Variants in MACF1 observed in about 807,000 individuals in gnomAD.
The protein encoded by MACF1 is microtubule actin crosslinking factor 1.
A neutral mutation model predicts 854.8 loss-of-function variants in MACF1; 193 were observed. The observed-to-expected ratio is 0.23, with a 90% CI of 0.20 to 0.25. The LOEUF is 0.25. Among genes scored for constraint, MACF1 ranks in the 10% least tolerant of loss-of-function variants. The pLI is 1.00. For synonymous variants in MACF1, 3,185 were observed against 3,226.7 expected, an observed-to-expected ratio of 0.99 and a Z score of 0.44; for missense variants, 7,722 against 8,929.1, an observed-to-expected ratio of 0.86 and a Z score of 5.45.
intron 6 of MACF1, among the ~76,000 whole-genome samples, chr1:39,276,566 G>A (rs1256010429): frequency 1.3e-5 from 2 of 151,832 alleles, no homozygotes; most frequent in Admixed American, 6.6e-5. Flanking sequence ...CACTTTCTAC[G>A]TGGAATTCCT....
At chr1:39,340,430 A>C (rs775276120) in intron 38 of MACF1, 72 bp from the exon 39 acceptor site, 4 of 1,076,606 alleles carry the variant, frequency 3.7e-6, no homozygotes, top group Non-Finnish European at 5.6e-6. Context: ...GTGAGAGAGA[A>C]ATGTGTTCAC....
At chr1:39,351,529 G>A (rs1647184361) in intron 43 of MACF1, among the ~76,000 whole-genome samples, 1 of 145,474 alleles carries the variant, frequency 6.9e-6, no homozygotes, top group African/African-American at 2.5e-5. Context: ...AAAAATATCA[G>A]AAAGAACTTA....
chr1:39,214,769 T>G (rs974104150), intron 1 of MACF1, among the ~76,000 whole-genome samples: 1 of 152,178 alleles, frequency 6.6e-6, no homozygotes. Flanking sequence ...GGTGAGTGTA[T>G]GAGCTTGCTC....
At chr1:39,087,965 G>T (rs1172593988) in intron 2 of MACF1, among the ~76,000 whole-genome samples, 1 of 148,264 alleles carries the variant, frequency 6.7e-6, no homozygotes, top group Non-Finnish European at 1.5e-5. Context: ...TAGAGATGGG[G>T]TTTCTTTTTT....
intron 6 of MACF1, among the ~76,000 whole-genome samples, chr1:39,276,333 CG>C (rs1311420709): frequency 1.3e-5 from 2 of 152,030 alleles, no homozygotes; most frequent in Non-Finnish European, 1.5e-5. Flanking sequence ...CAGAACAACT[CG>C]TCTCATCCAC....
Position 39,331,237 on chromosome 1 carries a change from G to A in MACF1, c.4649G>A (p.Gly1550Asp). ...CRAVAGVIDL[G>D]TVEIFPIFKA... ...GCAGTTGCTGGGGTGATTGACCTAG[G>A]CACAGTGGAGATATTTCCCATCTTC... Residue 1550 changes from glycine to aspartate, a missense_variant, in exon 37 of 101, where the codon GGC (glycine) becomes GAC (aspartate). Transcript: ENST00000564288. The A allele has an allele frequency of 6.3e-7, 1 of 1,594,862 alleles. No individual in the cohort carries two copies. The highest frequency in any genetic ancestry group is 1.1e-5 in the South Asian group (1 of 90,568).
At chr1:39,254,557 C>T in intron 5 of MACF1, 182 bp downstream of exon 5, 1 of 563,320 alleles carries the variant, frequency 1.8e-6, no homozygotes, top group South Asian at 2.5e-5. Flanking sequence ...TCAGTACTCA[C>T]ACAGAACTTG....
chr1:39,475,242 C>T (rs1347468983), intron 97 of MACF1, among the ~76,000 whole-genome samples: 2 of 152,154 alleles, frequency 1.3e-5, no homozygotes, highest in African/African-American at 2.4e-5. Flanking sequence ...CTGCTATAAG[C>T]AGTGAAACAC....
Position 39,468,656 on chromosome 1 carries a change from C to T in MACF1, c.21813C>T (p.Arg7271=). The T allele has an allele frequency of 1.9e-6, 3 of 1,614,158 alleles. No individual in the cohort carries two copies. Among genetic ancestry groups the T allele is most frequent in the Non-Finnish European group, 2.5e-6 (3 of 1,180,030 alleles). Residue 7271 remains arginine, a synonymous_variant, in exon 96 of 101, where the codon CGC becomes CGT. Coordinates refer to ENST00000564288, the MANE Select transcript of MACF1 (RefSeq NM_001394062.1). The part of the protein sequence containing the change: ...SQQLRLVRIL[R]STVMVRVGGG... ...AGTTGCGGCTGGTCCGTATTCTGCGCAGCACCGTGATGGTTCGCGTTGGTG... is the reference window on the plus strand; with the variant it reads ...AGTTGCGGCTGGTCCGTATTCTGCGTAGCACCGTGATGGTTCGCGTTGGTG...
chr1:39,294,309 CTTTTAGTAT>C (rs951669699), intron 18 of MACF1, among the ~76,000 whole-genome samples: 1 of 152,142 alleles, frequency 6.6e-6, no homozygotes, highest in African/African-American at 2.4e-5. Flanking sequence ...GTTTTTGCTA[CTTTTAGTAT>C]TTTCACACTC....
intron 30 of MACF1, 54 bp from the exon 31 acceptor site, chr1:39,319,610 G>C: frequency 8.2e-7 from 1 of 1,214,714 alleles, no homozygotes; most frequent in African/African-American, 1.5e-5. Flanking sequence ...TAAATGTTCA[G>C]CTCTTTCAAT....
At chr1:39,405,282 G>A (rs1642654883) in intron 58 of MACF1, among the ~76,000 whole-genome samples, 1 of 152,188 alleles carries the variant, frequency 6.6e-6, no homozygotes, top group African/African-American at 2.4e-5. Context: ...CTAATACTGT[G>A]GAGTTTCTAC....
chr1:39,304,487 C>T (rs1317848851), intron 23 of MACF1: 17 of 1,436,234 alleles, frequency 1.2e-5, no homozygotes, highest in Non-Finnish European at 1.6e-5. Flanking sequence ...AAATACTTTT[C>T]CTTGAGATTT....
Position 39,333,453 on chromosome 1 carries a change from T to C in MACF1, c.6865T>C (p.Ser2289Pro). Residue 2289 changes from serine (S) to proline (P), a missense_variant, in exon 37 of 101, where the codon TCT (serine) becomes CCT (proline). Coordinates refer to ENST00000564288, the MANE Select transcript of MACF1 (RefSeq NM_001394062.1). ...LLEEATLNVL[S>P]AQLLDGGIFH... ...TGAAGAAGCTACCTTAAATGTATTATCTGCACAGTTACTAGATGGTGGTAT... is the reference window on the plus strand; with the variant it reads ...TGAAGAAGCTACCTTAAATGTATTACCTGCACAGTTACTAGATGGTGGTAT... 6.2e-7 allele frequency: 1 copy of C among 1,614,158 alleles called. No individual in the cohort carries two copies. Among genetic ancestry groups the C allele is most frequent in the Non-Finnish European group, 8.5e-7 (1 of 1,180,016 alleles).
Position 39,460,876 on chromosome 1 carries a change from GTCTT to G in MACF1, c.21523+86_21523+89del. ...GAAGCTGTGATATTCTAGCTAAACA[GTCTT>G]TCTGAAGCTGGCCAGGAGCTTGGCT... is the stretch of plus-strand genomic sequence containing the variant. On this transcript the variant is annotated intron_variant, in intron 92 of 100. Transcript: ENST00000564288. This position sits in a 1 kb window ranked among gnomAD's most constrained non-coding sequence, Gnocchi z 4.1. 6.6e-7 allele frequency: 1 copy of G among 1,518,858 alleles called. No homozygotes were observed. Among genetic ancestry groups the G allele is most frequent in the African/African-American group, 1.4e-5 (1 of 72,870 alleles). The allele number at this position is 1,518,858 out of a possible 1,614,324, so 94.1% of individuals were successfully genotyped here. A position where few individuals can be genotyped will look rare whatever the true frequency, so the allele number is the denominator to read the frequency against.
intron 93 of MACF1, 94 bp from the exon 94 acceptor site, chr1:39,463,518 A>G (rs1644600116): frequency 1.2e-6 from 1 of 829,352 alleles, no homozygotes; most frequent in South Asian, 1.5e-5. Flanking sequence ...TAAATAATGA[A>G]TAGCCTCCCT....
intron 71 of MACF1, 47 bp from the exon 72 acceptor site, chr1:39,439,227 G>A (rs1330597861): frequency 1.7e-6 from 2 of 1,149,248 alleles, no homozygotes; most frequent in Non-Finnish European, 2.6e-6. Context: ...ACCAATTTCA[G>A]GCTCTTCAGA....
upstream of MACF1, among the ~76,000 whole-genome samples, chr1:39,201,966 T>A: frequency 8.1e-6 from 1 of 122,886 alleles, no homozygotes; most frequent in African/African-American, 3.2e-5. Context: ...TTTTTTTTTT[T>A]TTTTTTTTTT....
rs772227416 is a variant in MACF1 at position 39,252,366 on chromosome 1, TATC to T, written c.357+431_357+433del. Among the ~76,000 whole-genome samples the T allele has an allele frequency of 2.2e-4, 33 of 152,276 alleles. No homozygotes were observed. In the East Asian group the frequency reaches 5.4e-3, roughly 25 times the overall value. On this transcript the variant is annotated intron_variant, in intron 4 of 100. Transcript: ENST00000564288. ...CTCTCCACCTCTCTGGCCTCTAGGT[TATC>T]ATCATACACCCCGTCATTTGTTTTC...
Sources: allele counts gnomAD v4.1 joint callset (sites outside exome capture counted in the v4.1 genomes callset), GRCh38; gene constraint gnomAD v4.1.1; non-coding constraint Gnocchi (gnomAD v3.1); transcripts MANE v1.5; gene names NCBI Gene and HGNC (gene_info 2026-07-23, HGNC 2026-07-21).